The following WDR49 variants were observed in gnomAD, a reference collection of about 807,000 sequenced individuals.
WDR49 encodes the protein cilia- and flagella-associated protein 337.
WDR49 carries 107 observed loss-of-function variants against 119.5 expected under a neutral mutation model. The observed-to-expected ratio is 0.90, with a 90% CI of 0.77 to 1.05. WDR49 has a LOEUF of 1.05. Among genes scored for constraint, WDR49 ranks in the 50% least tolerant of loss-of-function variants. The pLI, the probability that WDR49 is intolerant of heterozygous loss-of-function variation, is 0.00. For missense variants in WDR49, 1,240 were observed against 1,220.5 expected, an observed-to-expected ratio of 1.02 and a Z score of -0.24; for synonymous variants, 425 against 418.8, an observed-to-expected ratio of 1.01 and a Z score of -0.18.
chr3:167,598,176 G>T (rs1307031569), intron 7 of WDR49, among the ~76,000 whole-genome samples: 3 of 152,056 alleles, frequency 2.0e-5, no homozygotes, highest in East Asian at 1.9e-4. Flanking sequence ...ATGGTGGCAG[G>T]TGCCTGTAGT....
chr3:167,577,267 G>A (rs1007031943), intron 7 of WDR49, among the ~76,000 whole-genome samples: 2 of 152,112 alleles, frequency 1.3e-5, no homozygotes, highest in African/African-American at 4.8e-5. Context: ...AGCTTCACAG[G>A]TGTGAGTGTT....
intron 7 of WDR49, among the ~76,000 whole-genome samples, chr3:167,583,949 G>T (rs990894779): frequency 6.6e-6 from 1 of 152,190 alleles, no homozygotes; most frequent in African/African-American, 2.4e-5. Flanking sequence ...CTATGAGGAA[G>T]AATCACCAGA....
rs1420699578 is a variant in WDR49 at position 167,527,869 on chromosome 3, C to T, written c.2555G>A (p.Ser852Asn). Reference protein sequence around the residue: ...LLIISSSADCSICVTGVCNAP... With the variant: ...LLIISSSADCNICVTGVCNAP... ...ATTGCAGACACCAGTCACACAAATA[C>T]TGCAGTCTGCAGAGGAGGAGATAAT... The change falls in exon 15 of 19, where the codon AGT becomes AAT. Residue 852 changes from serine to asparagine, a missense_variant. Coordinates refer to ENST00000682715, the MANE Select transcript of WDR49 (RefSeq NM_001366157.1). 5 of 1,613,126 alleles carry T rather than the reference C, an allele frequency of 3.1e-6. No individual in the cohort carries two copies. The South Asian group carries it at 5.5e-5, about 18-fold the overall frequency.
chr3:167,648,893 G>A (rs1428642337), intron 2 of WDR49, among the ~76,000 whole-genome samples: 1 of 152,090 alleles, frequency 6.6e-6, no homozygotes, highest in African/African-American at 2.4e-5. Context: ...CTGTCATGTT[G>A]CAGATATTAT....
chr3:167,515,501 G>A (rs1752162767), intron 16 of WDR49, among the ~76,000 whole-genome samples: 1 of 152,056 alleles, frequency 6.6e-6, no homozygotes, highest in African/African-American at 2.4e-5. Context: ...AATAATAAGA[G>A]TCACTTATGC....
chr3:167,533,233 C>A (rs1752912500), intron 11 of WDR49, among the ~76,000 whole-genome samples: 1 of 152,038 alleles, frequency 6.6e-6, no homozygotes, highest in South Asian at 2.1e-4. Flanking sequence ...GGTAATAAAG[C>A]ATTCAGAACA....
intron 7 of WDR49, 142 bp downstream of exon 7, chr3:167,601,985 A>G (rs1715791964): frequency 9.3e-7 from 1 of 1,079,714 alleles, no homozygotes; most frequent in South Asian, 2.3e-5. Flanking sequence ...TTTTCCAAAT[A>G]TAGACTTCCA....
At chr3:167,565,094 T>C (rs1006447235) in intron 8 of WDR49, among the ~76,000 whole-genome samples, 3 of 152,200 alleles carry the variant, frequency 2.0e-5, no homozygotes, top group East Asian at 1.9e-4. Context: ...TTTCAGTGAA[T>C]AGGGAGGTGA....
intron 5 of WDR49, among the ~76,000 whole-genome samples, chr3:167,607,317 C>T (rs1333289080): frequency 1.3e-5 from 2 of 152,172 alleles, no homozygotes; most frequent in East Asian, 3.8e-4. Context: ...AGAAACTTTG[C>T]TCCTGAGGCT....
intron 10 of WDR49, 109 bp downstream of exon 10, chr3:167,554,541 A>T: frequency 1.7e-6 from 1 of 585,368 alleles, no homozygotes; most frequent in South Asian, 2.6e-5. Context: ...CAACTAGGGT[A>T]TCACTCACCT....
chr3:167,622,889 G>A (rs564855613), intron 3 of WDR49, among the ~76,000 whole-genome samples: 3 of 152,174 alleles, frequency 2.0e-5, no homozygotes, highest in South Asian at 4.1e-4. Context: ...ACAATGGAAT[G>A]AAATTAGAAA....
rs563453481 is a variant in WDR49, at chr3:167,621,568, T to G, written c.682A>C (p.Lys228Gln). ...LSKEEFACQY[K>Q]LQGLKGTPIC... The stretch of plus-strand genomic sequence containing the variant: ...GGTGTTCCTTTCAGGCCTTGGAGTT[T>G]GTATTGGCAAGCAAATTCTTCTTTG... The change falls in exon 4 of 19, where the codon AAA becomes CAA. Residue 228 changes from lysine to glutamine, a missense_variant. Physicochemically the swap from Lys to Gln is moderately conservative, Grantham distance 53 (BLOSUM62 1). Transcript: ENST00000682715. 2 of 1,535,572 alleles carry G rather than the reference T, an allele frequency of 1.3e-6. No homozygotes were observed. The highest frequency in any genetic ancestry group is 2.4e-5 in the South Asian group (2 of 84,000).
intron 3 of WDR49, among the ~76,000 whole-genome samples, chr3:167,626,140 G>C (rs1717119555): frequency 6.6e-6 from 1 of 151,930 alleles, no homozygotes; most frequent in Admixed American, 6.6e-5. Context: ...TGCTAAAATA[G>C]AGACATCTTT....
rs1454314355 is a variant in WDR49, at chr3:167,604,298, TA to T, written c.1126+2del. 8 of 1,613,244 alleles carry T rather than the reference TA, an allele frequency of 5.0e-6. No homozygotes were observed. Among genetic ancestry groups the T allele is most frequent in the Non-Finnish European group, 5.9e-6 (7 of 1,179,612 alleles). The stretch of plus-strand genomic sequence containing the variant: ...CATAGTTATCATGATTTATTTTACC[TA>T]CCAATTAAATTGAGCCGAGAGTGAT... On this transcript the variant is annotated splice_donor_variant, in intron 6 of 18. Transcript: ENST00000682715. LOFTEE classifies it high-confidence loss of function.
In WDR49 at chr3:167,604,354, T is replaced by G. The variant is rs752326962; in HGVS notation, c.1073A>C (p.Asn358Thr). Reference sequence around the variant, plus strand: ...AAAAGCATGAATGCCCTGGGCAATGTTGAAGGATGTCATATTAAGACGCTT... The same window carrying G: ...AAAAGCATGAATGCCCTGGGCAATGGTGAAGGATGTCATATTAAGACGCTT... The part of the protein sequence containing the change: ...SKKRLNMTSF[N>T]IAQGIHAFDY... The change falls in exon 6 of 19, where the codon AAC becomes ACC. Residue 358 changes from asparagine (N) to threonine (T), a missense_variant. By Grantham distance (65) the Asn-to-Thr change is moderately conservative. Transcript: ENST00000682715. The G allele has an allele frequency of 9.3e-6, 15 of 1,613,844 alleles. No individual in the cohort carries two copies. In the East Asian group the frequency reaches 2.7e-4, roughly 29 times the overall value.
At chr3:167,480,926 T>C (rs1397772872) in intron 18 of WDR49, among the ~76,000 whole-genome samples, 1 of 152,064 alleles carries the variant, frequency 6.6e-6, no homozygotes, top group African/African-American at 2.4e-5. Flanking sequence ...ATCGGTGAAA[T>C]AGATGAGTCA....
At chr3:167,657,877 C>T (rs988988450), upstream of WDR49, among the ~76,000 whole-genome samples, 8 of 152,240 alleles carry the variant, frequency 5.3e-5, no homozygotes, top group Non-Finnish European at 1.2e-4. Flanking sequence ...CAGACACCCG[C>T]TGGCTCTGTG....
chr3:167,480,942 A>G (rs1431730758), intron 18 of WDR49, among the ~76,000 whole-genome samples: 1 of 152,030 alleles, frequency 6.6e-6, no homozygotes, highest in Non-Finnish European at 1.5e-5. Flanking sequence ...AGTCAGGGCT[A>G]CCTGTATCAC....
At chr3:167,563,670 A>G (rs1163867948) in intron 8 of WDR49, among the ~76,000 whole-genome samples, 1 of 152,188 alleles carries the variant, frequency 6.6e-6, no homozygotes, top group Admixed American at 6.5e-5. Context: ...TGATATTTCA[A>G]TACACATACA....
Sources: allele counts gnomAD v4.1 joint callset (sites outside exome capture counted in the v4.1 genomes callset), GRCh38; gene constraint gnomAD v4.1.1; transcripts MANE v1.5; gene names NCBI Gene and HGNC (gene_info 2026-07-23, HGNC 2026-07-21).